TMEFF1: variants seen among roughly 807,000 people sequenced by gnomAD.
The protein encoded by TMEFF1 is transmembrane protein with EGF like and two follistatin like domains 1.
TMEFF1 carries 20 observed loss-of-function variants against 47.5 expected under a neutral mutation model. The ratio of observed to expected loss-of-function variants is 0.42; its 90% CI spans 0.30 to 0.61. TMEFF1 has a LOEUF of 0.61. Among genes scored for constraint, TMEFF1 ranks in the 20% least tolerant of loss-of-function variants. The probability of loss-of-function intolerance (pLI) is 0.19; values close to 1 mark genes in which losing one functional copy is unlikely to be tolerated. For synonymous variants in TMEFF1, 162 were observed against 166.3 expected, an observed-to-expected ratio of 0.97 and a Z score of 0.20; for missense variants, 411 against 471.1, an observed-to-expected ratio of 0.87 and a Z score of 1.18.
chr9:100,554,329 C>T (rs1424327540), intron 7 of TMEFF1, among the ~76,000 whole-genome samples: 2 of 152,110 alleles, frequency 1.3e-5, no homozygotes, highest in Non-Finnish European at 2.9e-5. Context: ...CAGAGAATGT[C>T]ATGGAGCTTG....
At chr9:100,474,926 C>A (rs1289960197) in intron 1 of TMEFF1, among the ~76,000 whole-genome samples, 1 of 152,172 alleles carries the variant, frequency 6.6e-6, no homozygotes. Context: ...GATTATGGCC[C>A]TGGGGCAAAG....
chr9:100,549,378 A>G lies in TMEFF1; in HGVS notation c.710-717A>G, dbSNP rs116406835. Among the ~76,000 whole-genome samples, 940 of 152,280 alleles carry G rather than the reference A, an allele frequency of 6.2e-3. 9 individuals carry two copies. Among genetic ancestry groups the G allele is most frequent in the African/African-American group, 0.021 (875 of 41,564 alleles). On this transcript the variant is annotated intron_variant, in intron 6 of 9. Coordinates refer to ENST00000374879, the MANE Select transcript of TMEFF1 (RefSeq NM_003692.5). ...CCCCATGATCCAGTCACCTTCCACA[A>G]GGCCCCTTTTCCAACGTTGGGGATT...
At chr9:100,551,087 A>G (rs555368570) in intron 7 of TMEFF1, among the ~76,000 whole-genome samples, 2 of 152,378 alleles carry the variant, frequency 1.3e-5, no homozygotes, top group South Asian at 2.1e-4. Flanking sequence ...CAGGACCTCT[A>G]TATAATTGCT....
chr9:100,484,250 A>T (rs1837403558), intron 1 of TMEFF1, among the ~76,000 whole-genome samples: 1 of 152,036 alleles, frequency 6.6e-6, no homozygotes, highest in African/African-American at 2.4e-5. Context: ...TCTAAATTGC[A>T]CAATCCAGTG....
intron 1 of TMEFF1, among the ~76,000 whole-genome samples, chr9:100,489,962 CA>C (rs1837519071): frequency 6.6e-6 from 1 of 152,002 alleles, no homozygotes; most frequent in Non-Finnish European, 1.5e-5. Flanking sequence ...TCTGATCTTA[CA>C]GTAGTTTTTC....
Position 100,561,402 on chromosome 9 carries a change from A to G in TMEFF1, c.781A>G (p.Ser261Gly). Residue 261 changes from serine (S) to glycine (G), a missense_variant, in exon 8 of 10, where the codon AGT becomes GGT. By Grantham distance (56) the Ser-to-Gly change is moderately conservative (BLOSUM62 0). Transcript: ENST00000374879. The stretch of plus-strand genomic sequence containing the variant: ...CTGGTTTATGTTCTTTTAAGATGCT[A>G]GTGATCAAAGAGAAGATGTTTATAT... ...LQYRPDVKDA[S>G]DQREDVYIGN... 21 of 1,612,524 alleles carry G rather than the reference A, an allele frequency of 1.3e-5. No homozygotes were observed. Among genetic ancestry groups the G allele is most frequent in the Non-Finnish European group, 1.8e-5 (21 of 1,179,374 alleles).
chr9:100,532,823 G>T (rs1838415945), intron 5 of TMEFF1, among the ~76,000 whole-genome samples: 1 of 152,040 alleles, frequency 6.6e-6, no homozygotes, highest in African/African-American at 2.4e-5. Context: ...CAATCGCAAA[G>T]ACTTGGAACC....
chr9:100,530,547 A>T (rs921146882), intron 5 of TMEFF1, among the ~76,000 whole-genome samples: 9 of 152,330 alleles, frequency 5.9e-5, no homozygotes, highest in African/African-American at 2.2e-4. Flanking sequence ...AAGAAGTTGA[A>T]TCTCTGAATA....
intron 5 of TMEFF1, among the ~76,000 whole-genome samples, chr9:100,530,306 T>C (rs1838352105): frequency 6.6e-6 from 1 of 152,028 alleles, no homozygotes; most frequent in Non-Finnish European, 1.5e-5. Context: ...AGCTGGTTTT[T>C]TGAAAGGATC....
At chr9:100,495,768 T>C (rs1359923980) in intron 1 of TMEFF1, among the ~76,000 whole-genome samples, 1 of 152,096 alleles carries the variant, frequency 6.6e-6, no homozygotes, top group Non-Finnish European at 1.5e-5. Flanking sequence ...ATTAATGATA[T>C]AGGACCTCTA....
At chr9:100,474,443 C>A (rs535085084) in intron 1 of TMEFF1, among the ~76,000 whole-genome samples, 1 of 151,728 alleles carries the variant, frequency 6.6e-6, no homozygotes, top group Admixed American at 6.6e-5. Context: ...AGGAAGTGAC[C>A]CTGTGTTTTT....
intron 5 of TMEFF1, among the ~76,000 whole-genome samples, chr9:100,537,180 T>A (rs1838529965): frequency 6.6e-6 from 1 of 152,210 alleles, no homozygotes; most frequent in African/African-American, 2.4e-5. Flanking sequence ...TTGATGTGGT[T>A]ATCAGAAAAG....
Position 100,553,370 on chromosome 9 carries a change from C to T in TMEFF1, c.775+3210C>T, listed in dbSNP as rs567798639. Among the ~76,000 whole-genome samples, 4 of 152,238 alleles carry T rather than the reference C, an allele frequency of 2.6e-5. No individual in the cohort carries two copies. The South Asian group carries it at 8.3e-4, about 32-fold the overall frequency. ...GGCCCTTAGTAAATATCCACGTCTGCAACACACAGCCAAGATTGGGTAGGT... is the reference window on the plus strand; with the variant it reads ...GGCCCTTAGTAAATATCCACGTCTGTAACACACAGCCAAGATTGGGTAGGT... On this transcript the variant is annotated intron_variant, in intron 7 of 9. Coordinates refer to ENST00000374879, the MANE Select transcript of TMEFF1 (RefSeq NM_003692.5).
At chr9:100,568,516 G>C (rs1477583007) in intron 8 of TMEFF1, among the ~76,000 whole-genome samples, 1 of 152,058 alleles carries the variant, frequency 6.6e-6, no homozygotes, top group Non-Finnish European at 1.5e-5. Flanking sequence ...TGCTTCTTTT[G>C]AATGACTTGT....
chr9:100,474,318 T>C (rs1837180830), intron 1 of TMEFF1, among the ~76,000 whole-genome samples: 1 of 150,230 alleles, frequency 6.7e-6, no homozygotes, highest in East Asian at 2.0e-4. Flanking sequence ...CGATGCAGAG[T>C]GACTGTGTGT....
At chr9:100,522,435 T>TA (rs1416723492) in intron 5 of TMEFF1, among the ~76,000 whole-genome samples, 4 of 137,636 alleles carry the variant, frequency 2.9e-5, no homozygotes, top group Non-Finnish European at 4.7e-5. Flanking sequence ...ATCTTCTTTT[T>TA]TTTTTTTTTT....
chr9:100,473,743 A>G lies in TMEFF1; in HGVS notation c.196+3A>G. The G allele has an allele frequency of 6.6e-7, 1 of 1,513,454 alleles. No homozygotes were observed. The highest frequency in any genetic ancestry group is 8.9e-7 in the Non-Finnish European group (1 of 1,127,286). The allele number at this position is 1,513,454 out of a possible 1,614,324, so 93.8% of individuals were successfully genotyped here. A position where few individuals can be genotyped will look rare whatever the true frequency, so the allele number is the denominator to read the frequency against. On this transcript the variant is annotated splice_donor_region_variant and intron_variant, in intron 1 of 9. Transcript: ENST00000374879. The surrounding 1 kb of genome is among the most constrained non-coding windows in gnomAD (Gnocchi z 5.4). ...AGGCAAGAGCATCAACTGCTCAGGT[A>G]GGACCGGTCGGAGCCGGCCCTAGGT...
At chr9:100,498,704 C>T in intron 1 of TMEFF1, 61 bp from the exon 2 acceptor site, 2 of 1,515,460 alleles carry the variant, frequency 1.3e-6, no homozygotes, top group South Asian at 2.3e-5. Flanking sequence ...CACACGCGCA[C>T]AGACACACAC....
intron 5 of TMEFF1, among the ~76,000 whole-genome samples, chr9:100,519,413 CTAAA>C (rs35043429): frequency 4.7e-5 from 7 of 150,128 alleles, no homozygotes; most frequent in Admixed American, 4.0e-4. Flanking sequence ...TCTCAAAAGA[CTAAA>C]TAAATAAATA....
Sources: allele counts gnomAD v4.1 joint callset (sites outside exome capture counted in the v4.1 genomes callset), GRCh38; gene constraint gnomAD v4.1.1; non-coding constraint Gnocchi (gnomAD v3.1); transcripts MANE v1.5; gene names NCBI Gene and HGNC (gene_info 2026-07-23, HGNC 2026-07-21).